Variants in PARP8 observed in about 807,000 individuals in gnomAD.
PARP8 encodes the protein poly(ADP-ribose) polymerase family member 8.
A neutral mutation model predicts 124.1 loss-of-function variants in PARP8; 51 were observed. That is an observed-to-expected ratio of 0.41 (90% CI 0.33 to 0.52). The LOEUF is 0.52. Among genes scored for constraint, PARP8 ranks in the 20% least tolerant of loss-of-function variants. The pLI, the probability that PARP8 is intolerant of heterozygous loss-of-function variation, is 0.21. For missense variants in PARP8, 860 were observed against 1,018.9 expected (o/e 0.84, Z 2.12); for synonymous variants, 391 against 361.5 (o/e 1.08, Z -0.93).
rs924356581 is a variant in PARP8 at position 50,812,858 on chromosome 5, C to T, written c.1576-2574C>T. ...CCATTTATTAAATAAGGAATCCTTT[C>T]CCTATTTCTTGTTTTTGTCAGGTTT... On this transcript the variant is annotated intron_variant, in intron 14 of 25. Coordinates refer to ENST00000281631, the MANE Select transcript of PARP8 (RefSeq NM_024615.4). Among the ~76,000 whole-genome samples, 135 of 152,222 alleles carry T rather than the reference C, an allele frequency of 8.9e-4. 2 individuals are homozygous for T. The highest frequency in any genetic ancestry group is 3.2e-3 in the African/African-American group (131 of 41,534).
intron 14 of PARP8, among the ~76,000 whole-genome samples, chr5:50,801,586 C>A (rs137879821): frequency 2.6e-5 from 4 of 152,284 alleles, no homozygotes; most frequent in African/African-American, 9.6e-5. Context: ...TGTATCATCT[C>A]TCTGTCAGTC....
At chr5:50,804,793 A>G (rs1036806536) in intron 14 of PARP8, among the ~76,000 whole-genome samples, 7 of 152,098 alleles carry the variant, frequency 4.6e-5, no homozygotes, top group Non-Finnish European at 7.4e-5. Flanking sequence ...TTCTGATGTT[A>G]GTTCTGTTTA....
intron 2 of PARP8, among the ~76,000 whole-genome samples, chr5:50,710,985 A>C (rs1453123770): frequency 6.6e-6 from 1 of 152,168 alleles, no homozygotes; most frequent in Non-Finnish European, 1.5e-5. Flanking sequence ...GTGCCTGTGC[A>C]TACAATCAAA....
intron 2 of PARP8, among the ~76,000 whole-genome samples, chr5:50,674,953 G>A (rs1428653448): frequency 1.3e-5 from 2 of 152,194 alleles, no homozygotes; most frequent in Non-Finnish European, 2.9e-5. Context: ...GATAGGATGA[G>A]AATGTAAATA....
intron 9 of PARP8, among the ~76,000 whole-genome samples, 155 bp from the exon 10 acceptor site, chr5:50,788,368 A>G (rs901708287): frequency 6.6e-6 from 1 of 151,036 alleles, no homozygotes. Context: ...CTATGTGCAT[A>G]TAGCATAAAT....
rs1434784060 is a variant in PARP8 at position 50,788,560 on chromosome 5, G to A, written c.708G>A (p.Glu236=). ...ATGTCTTTCAGATTTCCACAAAAGAGCGATTTGGATTGGGACATCAGCTGA... is the reference window on the plus strand; with the variant it reads ...ATGTCTTTCAGATTTCCACAAAAGAACGATTTGGATTGGGACATCAGCTGA... The part of the protein sequence containing the change: ...TVDVFQISTK[E]RFGLGHQLKK... The change falls in exon 10 of 26, where the codon GAG becomes GAA. Residue 236 remains glutamate, a synonymous_variant. Transcript: ENST00000281631. The A allele has an allele frequency of 4.3e-6, 7 of 1,613,258 alleles. No homozygotes were observed. The highest frequency in any genetic ancestry group is 5.9e-6 in the Non-Finnish European group (7 of 1,179,690).
intron 2 of PARP8, among the ~76,000 whole-genome samples, chr5:50,683,710 A>T (rs909997641): frequency 3.3e-5 from 5 of 152,022 alleles, no homozygotes; most frequent in African/African-American, 7.2e-5. Flanking sequence ...TTTTTTCTAT[A>T]TTGTAATCAG....
chr5:50,800,753 T>C (rs1561400358), intron 14 of PARP8, among the ~76,000 whole-genome samples: 1 of 150,376 alleles, frequency 6.6e-6, no homozygotes, highest in Non-Finnish European at 1.5e-5. Context: ...ATTTCTGTTT[T>C]AGATTTTTTT....
At chr5:50,667,897 G>C (rs986581626) in intron 1 of PARP8, 174 bp from the exon 2 acceptor site, 2 of 1,496,482 alleles carry the variant, frequency 1.3e-6, no homozygotes, top group South Asian at 1.3e-5. Context: ...GCACCCAGTC[G>C]GGGGCGCGCC....
At chr5:50,832,657 A>T in intron 22 of PARP8, 124 bp from the exon 23 acceptor site, 1 of 860,364 alleles carries the variant, frequency 1.2e-6, no homozygotes, top group Non-Finnish European at 1.8e-6. Flanking sequence ...GCCCTTTGTT[A>T]CTGTCTCTAG....
In PARP8 at chr5:50,821,218, A is replaced by G; in HGVS notation, c.1674A>G (p.Val558=). The change falls in exon 16 of 26, where the codon GTA becomes GTG. Residue 558 remains valine, a synonymous_variant. Transcript: ENST00000281631. ...ADEIATGAQV[V]DLLVSMCRSA... ...TCTTATGTGTATATTTCAAGGTGGT[A>G]GATCTACTAGTATCCATGTGTAGGT... 6.2e-7 allele frequency: 1 copy of G among 1,614,010 alleles called. No homozygotes were observed.
Position 50,750,157 on chromosome 5 carries a change from C to A in PARP8, c.153C>A (p.Ser51=). 1 of 1,587,908 alleles carries A rather than the reference C, an allele frequency of 6.3e-7. No individual in the cohort carries two copies. The highest frequency in any genetic ancestry group is 8.6e-7 in the Non-Finnish European group (1 of 1,157,754). The change falls in exon 3 of 26, where the codon TCC becomes TCA. Residue 51 remains serine, a synonymous_variant. Transcript: ENST00000281631. ...FTYVGGPRSV[S]YSVHVSEDYP... The stretch of plus-strand genomic sequence containing the variant: ...TGTTTGTTTGTTTTAACAGTGTATC[C>A]TACTCAGTACATGTATCTGAAGATT...
At chr5:50,757,540 G>A (rs1375379722) in intron 3 of PARP8, among the ~76,000 whole-genome samples, 1 of 152,040 alleles carries the variant, frequency 6.6e-6, no homozygotes, top group Non-Finnish European at 1.5e-5. Flanking sequence ...GGTAAATTAA[G>A]CCAAAATAGG....
At chr5:50,669,252 ATTTC>A (rs944327464) in intron 2 of PARP8, 13 of 152,240 alleles carry the variant, frequency 8.5e-5, no homozygotes, top group Non-Finnish European at 1.5e-4. Context: ...AAATTACAGT[ATTTC>A]TTAATTTACT....
chr5:50,792,940 A>G (rs1409965551), intron 10 of PARP8, among the ~76,000 whole-genome samples: 1 of 152,192 alleles, frequency 6.6e-6, no homozygotes, highest in Admixed American at 6.5e-5. Flanking sequence ...CTGAGAACTT[A>G]GTAACTGGCG....
chr5:50,773,714 G>T (rs932736677), intron 7 of PARP8, among the ~76,000 whole-genome samples: 7 of 152,016 alleles, frequency 4.6e-5, no homozygotes, highest in African/African-American at 1.7e-4. Context: ...TTTGACAGGG[G>T]TTGCATTGAA....
intron 2 of PARP8, among the ~76,000 whole-genome samples, chr5:50,721,440 G>C (rs1001958118): frequency 2.6e-5 from 4 of 151,628 alleles, no homozygotes; most frequent in African/African-American, 9.8e-5. Flanking sequence ...TGTAGTCCAT[G>C]TATTTTGTAA....
chr5:50,830,448 T>C (rs1003296224), intron 22 of PARP8, among the ~76,000 whole-genome samples: 7 of 152,172 alleles, frequency 4.6e-5, no homozygotes, highest in African/African-American at 1.7e-4. Context: ...AAAAATACTT[T>C]GGAAAAAATT....
chr5:50,790,780 A>G (rs1741864489), intron 10 of PARP8, among the ~76,000 whole-genome samples: 1 of 152,132 alleles, frequency 6.6e-6, no homozygotes, highest in Non-Finnish European at 1.5e-5. Flanking sequence ...TTTAATTAAT[A>G]TCCCTATCCG....
Sources: allele counts gnomAD v4.1 joint callset (sites outside exome capture counted in the v4.1 genomes callset), GRCh38; gene constraint gnomAD v4.1.1; transcripts MANE v1.5; gene names NCBI Gene and HGNC (gene_info 2026-07-23, HGNC 2026-07-21).